Variants in DTNA observed in about 807,000 individuals in gnomAD.
DTNA encodes the protein dystrophin-related protein 3.
Under a neutral mutation model 100.7 loss-of-function variants are expected in DTNA, and 43 were observed. The observed-to-expected ratio is 0.43, with a 90% CI of 0.33 to 0.55. DTNA has a LOEUF of 0.55. DTNA is among the 20% of genes least tolerant of loss of function. The probability of loss-of-function intolerance (pLI) is 0.04; values close to 1 mark genes in which losing one functional copy is unlikely to be tolerated. For synonymous variants in DTNA, 349 were observed against 347.9 expected, an observed-to-expected ratio of 1.00 and a Z score of -0.04; for missense variants, 798 against 953.9, an observed-to-expected ratio of 0.84 and a Z score of 2.15.
At chr18:34,763,858 C>T (rs2093330014) in intron 2 of DTNA, among the ~76,000 whole-genome samples, 1 of 152,126 alleles carries the variant, frequency 6.6e-6, no homozygotes, top group Non-Finnish European at 1.5e-5. Flanking sequence ...CCTGAAATGG[C>T]TGTGGAGTTG....
At chr18:34,586,944 A>G (rs984685477) in intron 1 of DTNA, among the ~76,000 whole-genome samples, 4 of 151,852 alleles carry the variant, frequency 2.6e-5, no homozygotes. Context: ...CAGGGTATAG[A>G]AAAAATACAA....
chr18:34,732,821 A>G (rs886389122), intron 1 of DTNA, among the ~76,000 whole-genome samples: 14 of 152,148 alleles, frequency 9.2e-5, no homozygotes, highest in Admixed American at 2.0e-4. Flanking sequence ...CCTATTCAAC[A>G]TTTGCGATAT....
At chr18:34,765,799 C>G in intron 2 of DTNA, 162 bp from the exon 3 acceptor site, 2 of 649,962 alleles carry the variant, frequency 3.1e-6, no homozygotes, top group Non-Finnish European at 5.1e-6. Context: ...GGAACTTGTC[C>G]TTGAATAGGA....
At chr18:34,876,487 C>T (rs553326125) in intron 18 of DTNA, among the ~76,000 whole-genome samples, 6 of 152,038 alleles carry the variant, frequency 3.9e-5, no homozygotes, top group South Asian at 2.1e-4. Context: ...GTGAAATATA[C>T]GAATAGACAG....
At chr18:34,722,810 C>T (rs898174780) in intron 1 of DTNA, among the ~76,000 whole-genome samples, 2 of 152,146 alleles carry the variant, frequency 1.3e-5, no homozygotes, top group South Asian at 2.1e-4. Context: ...TGGAATCAGA[C>T]AGTACATACT....
chr18:34,539,874 A>AT (rs2044081916), intron 1 of DTNA, among the ~76,000 whole-genome samples: 2 of 151,736 alleles, frequency 1.3e-5, no homozygotes, highest in Admixed American at 6.6e-5. Context: ...CTTCAAAAAG[A>AT]TTTTTTCTAC....
chr18:34,659,737 A>C (rs1172644793), intron 1 of DTNA, among the ~76,000 whole-genome samples: 1 of 152,128 alleles, frequency 6.6e-6, no homozygotes. Context: ...TCCTCTCACC[A>C]GCCCTTTCTG....
intron 1 of DTNA, among the ~76,000 whole-genome samples, chr18:34,560,177 T>C (rs917883913): frequency 1.3e-5 from 2 of 152,204 alleles, no homozygotes; most frequent in African/African-American, 4.8e-5. Context: ...AGATACCTTT[T>C]TGCACCTCAG....
intron 1 of DTNA, among the ~76,000 whole-genome samples, chr18:34,541,390 C>T (rs578159460): frequency 2.6e-5 from 4 of 152,090 alleles, no homozygotes; most frequent in East Asian, 1.9e-4. Context: ...ATAATCCCCA[C>T]GTGTCATGGG....
chr18:34,585,618 T>C (rs371620197), intron 1 of DTNA, among the ~76,000 whole-genome samples: 1 of 151,650 alleles, frequency 6.6e-6, no homozygotes, highest in Non-Finnish European at 1.5e-5. Flanking sequence ...GAGAGAGAGA[T>C]AGGGAGAGAG....
chr18:34,780,092 T>TA (rs2094248907), intron 3 of DTNA, among the ~76,000 whole-genome samples: 1 of 87,104 alleles, frequency 1.1e-5, no homozygotes, highest in African/African-American at 4.1e-5. Flanking sequence ...TTATGGTAGT[T>TA]ACAAAATCAA....
intron 1 of DTNA, among the ~76,000 whole-genome samples, chr18:34,687,341 T>C (rs568511892): frequency 1.3e-5 from 2 of 152,336 alleles, no homozygotes; most frequent in African/African-American, 4.8e-5. Context: ...GTACATTCTG[T>C]CTTTCTTCTC....
At chr18:34,653,994 G>A (rs1459326842) in intron 1 of DTNA, among the ~76,000 whole-genome samples, 3 of 152,130 alleles carry the variant, frequency 2.0e-5, no homozygotes, top group African/African-American at 4.8e-5. Context: ...TTTCTTGTCA[G>A]CCATTTCAGA....
intron 1 of DTNA, among the ~76,000 whole-genome samples, chr18:34,573,534 G>A (rs1235912560): frequency 2.0e-5 from 3 of 152,152 alleles, no homozygotes; most frequent in Non-Finnish European, 2.9e-5. Context: ...ACATGAGACT[G>A]GGTAAAGGAC....
chr18:34,606,134 G>A (rs1206923573), intron 1 of DTNA, among the ~76,000 whole-genome samples: 5 of 152,062 alleles, frequency 3.3e-5, no homozygotes, highest in Non-Finnish European at 5.9e-5. Flanking sequence ...AAGTTCTGTG[G>A]AGGGGAAAAA....
chr18:34,737,681 AT>A (rs1466698270), intron 1 of DTNA: 1 of 152,054 alleles, frequency 6.6e-6, no homozygotes, highest in Non-Finnish European at 1.5e-5. Context: ...TTACCGTTGG[AT>A]TCATATTCTG....
At chr18:34,705,573 G>C (rs2082011840), upstream of DTNA, among the ~76,000 whole-genome samples, 1 of 152,154 alleles carries the variant, frequency 6.6e-6, no homozygotes, top group Non-Finnish European at 1.5e-5. Context: ...TTAAGCCTCA[G>C]ATTCCTCATA....
Position 34,682,981 on chromosome 18 carries a change from G to T in DTNA, c.-1-72995G>T, listed in dbSNP as rs527654096. Among the ~76,000 whole-genome samples, 4 of 152,044 alleles carry T rather than the reference G, an allele frequency of 2.6e-5. No homozygotes were observed. The South Asian group carries it at 8.3e-4, about 32-fold the overall frequency. On this transcript the variant is annotated intron_variant, in intron 1 of 19. Coordinates refer to the DTNA transcript ENST00000283365. ...TAATGGGAAGATTTTTAAATTTTCAGGTATATCCCAAGTATTATTTTTATT... is the reference window on the plus strand; with the variant it reads ...TAATGGGAAGATTTTTAAATTTTCATGTATATCCCAAGTATTATTTTTATT...
chr18:34,509,057 A>G (rs1161997616), intron 1 of DTNA, among the ~76,000 whole-genome samples: 4 of 151,978 alleles, frequency 2.6e-5, no homozygotes, highest in East Asian at 3.9e-4. Flanking sequence ...GATACTATTT[A>G]TCATTTACTC....
Sources: allele counts gnomAD v4.1 joint callset (sites outside exome capture counted in the v4.1 genomes callset), GRCh38; gene constraint gnomAD v4.1.1; transcripts MANE v1.5; gene names NCBI Gene and HGNC (gene_info 2026-07-23, HGNC 2026-07-21).